HSPBP1: variants seen among roughly 807,000 people sequenced by gnomAD.
The protein encoded by HSPBP1 is HSPA (Hsp70) binding protein 1.
Under a neutral mutation model 41.7 loss-of-function variants are expected in HSPBP1, and 31 were observed. The ratio of observed to expected loss-of-function variants is 0.74; its 90% CI spans 0.56 to 1.00. The LOEUF is 1.00. Among genes scored for constraint, HSPBP1 ranks in the 50% least tolerant of loss-of-function variants. The pLI, the probability that HSPBP1 is intolerant of heterozygous loss-of-function variation, is 0.00. For missense variants in HSPBP1, 439 were observed against 487.9 expected (o/e 0.90, Z 0.94); for synonymous variants, 199 against 214.4 (o/e 0.93, Z 0.63).
Position 55,262,682 on chromosome 19 carries a change from C to T in HSPBP1, c.1006G>A (p.Glu336Lys). ...QLLQQHEEYQ[E>K]ELEFCEKLLQ... ...AGCTTTTCACAGAACTCCAGCTCCT[C>T]CTGGATTGGGCAGGGGCAGGGAGCA... The change falls in exon 8 of 8, where the codon GAG becomes AAG. Residue 336 changes from glutamate (E) to lysine (K), a missense_variant and splice_region_variant. Transcript: ENST00000433386. The T allele has an allele frequency of 6.2e-7, 1 of 1,612,416 alleles. No individual in the cohort carries two copies. The highest frequency in any genetic ancestry group is 1.1e-5 in the South Asian group (1 of 90,670).
chr19:55,271,716 C>G (rs976050933), intron 4 of HSPBP1, among the ~76,000 whole-genome samples: 1 of 152,150 alleles, frequency 6.6e-6, no homozygotes, highest in Admixed American at 6.5e-5. Flanking sequence ...TGTTGGACCC[C>G]CCTCACAGCC....
Position 55,280,016 on chromosome 19 carries a change from G to A in HSPBP1, c.-95+19C>T. ...TCCCTCCTCTCCGAAGAGGGGCGCC[G>A]GAATAAGGCGGATCTCACCTCCCCG... is the stretch of plus-strand genomic sequence containing the variant. On this transcript the variant is annotated intron_variant, in intron 1 of 7. Transcript: ENST00000433386. 6.9e-6 allele frequency: 2 copies of A among 288,168 alleles called. No homozygotes were observed. Among genetic ancestry groups the A allele is most frequent in the Non-Finnish European group, 1.3e-5 (2 of 150,264 alleles). The allele number at this position is 288,168 out of a possible 1,614,324, so 17.9% of individuals were successfully genotyped here. A position where few individuals can be genotyped will look rare whatever the true frequency, so the allele number is the denominator to read the frequency against.
In HSPBP1 at chr19:55,266,286, C is replaced by A; in HGVS notation, c.641G>T (p.Cys214Phe). The A allele has an allele frequency of 6.4e-7, 1 of 1,570,826 alleles. No individual in the cohort carries two copies. Among genetic ancestry groups the A allele is most frequent in the Non-Finnish European group, 8.6e-7 (1 of 1,158,194 alleles). Residue 214 changes from cysteine to phenylalanine, a missense_variant and splice_region_variant, in exon 5 of 8, where the codon TGT (cysteine) becomes TTT (phenylalanine). Transcript: ENST00000433386. Reference protein sequence around the residue: ...VRVKALFAISCLVREQEAGLL... With the variant: ...VRVKALFAISFLVREQEAGLL... Reference sequence around the variant, plus strand: ...CCCAGCCTCCTGCTCTCGGACCAGACCTGGGAGAGGGGGAAAGGTCCTGAG... The same window carrying A: ...CCCAGCCTCCTGCTCTCGGACCAGAACTGGGAGAGGGGGAAAGGTCCTGAG...
At chr19:55,265,508 T>A in intron 6 of HSPBP1, 119 bp from the exon 7 acceptor site, 1 of 778,658 alleles carries the variant, frequency 1.3e-6, no homozygotes, top group East Asian at 2.6e-5. Context: ...TGCCCCACAA[T>A]GGGCCTCCAT....
intron 3 of HSPBP1, among the ~76,000 whole-genome samples, 191 bp from the exon 4 acceptor site, chr19:55,274,813 C>T (rs1004384588): frequency 6.6e-6 from 1 of 151,998 alleles, no homozygotes; most frequent in African/African-American, 2.4e-5. Context: ...GACTGGCGTC[C>T]TGATAAGAAG....
At position 55,265,986 on chromosome 19, in the gene HSPBP1, G is replaced by C. The variant is rs148723334; in HGVS notation, c.797-4C>G. The C allele has an allele frequency of 1.3e-6, 2 of 1,596,956 alleles. No homozygotes were observed. Among genetic ancestry groups the C allele is most frequent in the Admixed American group, 1.8e-5 (1 of 56,900 alleles). ...ATCCCCATGGAGCACAGGGTCCCTG[G>C]GGGGAGGGCTGCAGGGGTCAGAGGG... On this transcript the variant is annotated splice_region_variant and splice_polypyrimidine_tract_variant and intron_variant, in intron 5 of 7. Transcript: ENST00000433386.
chr19:55,262,650 C>T lies in HSPBP1; in HGVS notation c.1038G>A (p.Gln346=). ...EELEFCEKLL[Q]TCFSSPADDS... ...CGTCCGCTGGGCTGGAGAAACAGGT[C>T]TGTAGCAGCTTTTCACAGAACTCCA... The change falls in exon 8 of 8, where the codon CAG becomes CAA. Residue 346 remains glutamine (Q), a synonymous_variant. Coordinates refer to ENST00000433386, the MANE Select transcript of HSPBP1 (RefSeq NM_012267.5). 1 of 1,613,822 alleles carries T rather than the reference C, an allele frequency of 6.2e-7. No individual in the cohort carries two copies. Among genetic ancestry groups the T allele is most frequent in the Middle Eastern group, 1.6e-4 (1 of 6,062 alleles).
chr19:55,278,571 A>T (rs184183264), intron 2 of HSPBP1, among the ~76,000 whole-genome samples: 5 of 152,258 alleles, frequency 3.3e-5, no homozygotes, highest in Admixed American at 3.3e-4. Context: ...AAAGGTTGAG[A>T]CTTACCCAAG....
In HSPBP1 at chr19:55,272,195, G is replaced by A. The variant is rs766548404; in HGVS notation, c.640+2203C>T. Among the ~76,000 whole-genome samples, 41 of 152,110 alleles carry A rather than the reference G, an allele frequency of 2.7e-4. No individual in the cohort carries two copies. The highest frequency in any genetic ancestry group is 7.5e-4 in the African/African-American group (31 of 41,422). On this transcript the variant is annotated intron_variant, in intron 4 of 7. Transcript: ENST00000433386. This position sits in a 1 kb window ranked among gnomAD's most constrained non-coding sequence, Gnocchi z 4.2. ...AACAAATGTCCATAAAAACACCTGC[G>A]CAGCTATGTCCACAGGAGCACGAGA... is the stretch of plus-strand genomic sequence containing the variant.
At position 55,262,801 on chromosome 19, in the gene HSPBP1, C is replaced by A. The variant is rs540097375; in HGVS notation, c.1006-119G>T. The A allele has an allele frequency of 9.1e-5, 77 of 846,966 alleles. No individual in the cohort carries two copies. The Middle Eastern group carries it at 1.6e-3, about 17-fold the overall frequency. The allele number at this position is 846,966 out of a possible 1,614,324, so 52.5% of individuals were successfully genotyped here. On this transcript the variant is annotated intron_variant, in intron 7 of 7. Transcript: ENST00000433386. ...CTCCTGGCCACCACCCACTCCCCCC[C>A]ACCAGAGGTTAGGCTTTTTTAATCA...
At position 55,268,860 on chromosome 19, in the gene HSPBP1, A is replaced by G. The variant is rs545110289; in HGVS notation, c.641-2574T>C. Among the ~76,000 whole-genome samples, 9 of 152,226 alleles carry G rather than the reference A, an allele frequency of 5.9e-5. No individual in the cohort carries two copies. The highest frequency in any genetic ancestry group is 2.1e-4 in the South Asian group (1 of 4,824). On this transcript the variant is annotated intron_variant, in intron 4 of 7. Coordinates refer to ENST00000433386, the MANE Select transcript of HSPBP1 (RefSeq NM_012267.5). The surrounding 1 kb of genome is among the most constrained non-coding windows in gnomAD (Gnocchi z 4.5). The stretch of plus-strand genomic sequence containing the variant: ...ATTTTTTGGTATTTTTAGTAGAGAC[A>G]GGGTGTCACCATGTTGGCCAGGCTG...
At chr19:55,275,919 G>A (rs2088057951) in intron 3 of HSPBP1, among the ~76,000 whole-genome samples, 1 of 148,986 alleles carries the variant, frequency 6.7e-6, no homozygotes, top group Non-Finnish European at 1.5e-5. Context: ...TTGCACTCTA[G>A]CCTGGGCAAC....
chr19:55,266,097 C>T, intron 5 of HSPBP1, 34 bp downstream of exon 5: 3 of 1,591,742 alleles, frequency 1.9e-6, no homozygotes, highest in Non-Finnish European at 1.7e-6. Flanking sequence ...GGCGTCTGCT[C>T]CCCACTCCTG....
Position 55,265,907 on chromosome 19 carries a change from T to G in HSPBP1, c.872A>C (p.His291Pro). The G allele has an allele frequency of 6.2e-7, 1 of 1,607,616 alleles. No homozygotes were observed. The highest frequency in any genetic ancestry group is 8.5e-7 in the Non-Finnish European group (1 of 1,178,102). The change falls in exon 6 of 8, where the codon CAC becomes CCC. Residue 291 changes from histidine (H) to proline (P), a missense_variant. By Grantham distance (77) the His-to-Pro change is moderately conservative. Coordinates refer to ENST00000433386, the MANE Select transcript of HSPBP1 (RefSeq NM_012267.5). ...GTACCTGCACAGGGCTCCAAGCACG[T>G]GCTCGTGGAAGGGGCTGTGCTCTGT... ...VRTEHSPFHE[H>P]VLGALCSLVT... is the part of the protein sequence containing the mutation.
In HSPBP1 at chr19:55,272,350, G is replaced by A. The variant is rs781274272; in HGVS notation, c.640+2048C>T. 2.0e-5 allele frequency among the ~76,000 whole-genome samples: 3 copies of A among 152,240 alleles called. No individual in the cohort carries two copies. Among genetic ancestry groups the A allele is most frequent in the Non-Finnish European group, 4.4e-5 (3 of 68,004 alleles). On this transcript the variant is annotated intron_variant, in intron 4 of 7. Transcript: ENST00000433386. This position sits in a 1 kb window ranked among gnomAD's most constrained non-coding sequence, Gnocchi z 4.2. ...ACAGCACTGCCACCCGCCACCACTC[G>A]GGGACCTTGCAGCATATGAAAGGAG...
At chr19:55,265,250 C>G in intron 7 of HSPBP1, 28 bp downstream of exon 7, 1 of 1,370,130 alleles carries the variant, frequency 7.3e-7, no homozygotes, top group Non-Finnish European at 9.9e-7. Context: ...ACCTGGTCCT[C>G]CTTGCACCCC....
In HSPBP1 at chr19:55,265,933, C is replaced by T. The variant is rs753643809; in HGVS notation, c.846G>A (p.Arg282=). The change falls in exon 6 of 8, where the codon CGG becomes CGA. Residue 282 remains arginine (R), a synonymous_variant. Transcript: ENST00000433386. ...GMVQQLVALV[R]TEHSPFHEHV... ...GCTCGTGGAAGGGGCTGTGCTCTGT[C>T]CGCACCAGGGCCACCAGCTGCTGGA... 1.9e-6 allele frequency: 3 copies of T among 1,608,406 alleles called. No individual in the cohort carries two copies. Among genetic ancestry groups the T allele is most frequent in the Admixed American group, 1.7e-5 (1 of 59,292 alleles).
chr19:55,276,933 C>T (rs1207687644), intron 3 of HSPBP1, among the ~76,000 whole-genome samples: 1 of 152,066 alleles, frequency 6.6e-6, no homozygotes, highest in South Asian at 2.1e-4. Flanking sequence ...AGCCTGCGTA[C>T]AAGAGGAAGT....
intron 4 of HSPBP1, 42 bp downstream of exon 4, chr19:55,274,356 C>CCCCCCCCCCCCCCCCCCA: frequency 1.5e-6 from 1 of 664,196 alleles, no homozygotes; most frequent in Non-Finnish European, 2.4e-6. Context: ...CACCCCCCCC[C>CCCCCCCCCCCCCCCCCCA]ACCGCCAGCA....
Sources: gnomAD v4.1 joint callset for allele counts (sites outside exome capture counted in the v4.1 genomes callset) on GRCh38, gnomAD v4.1.1 for gene constraint, Gnocchi (gnomAD v3.1) non-coding constraint, MANE v1.5 for transcripts, NCBI Gene and HGNC (gene_info 2026-07-23, HGNC 2026-07-21) for gene names.